The following CBX1 variants were observed in gnomAD, a reference collection of about 807,000 sequenced individuals.
CBX1 encodes chromobox protein homolog 1.
A neutral mutation model predicts 25.1 loss-of-function variants in CBX1; 10 were observed. That is an observed-to-expected ratio of 0.40 (90% CI 0.25 to 0.68). The LOEUF (loss-of-function observed/expected upper bound fraction) is 0.68. Ranked by LOEUF, CBX1 falls within the 30% of genes least tolerant of loss-of-function variation. The probability of loss-of-function intolerance (pLI) is 0.40; values close to 1 mark genes in which losing one functional copy is unlikely to be tolerated. For synonymous variants in CBX1, 63 were observed against 79.4 expected (o/e 0.79, Z 1.10); for missense variants, 106 against 218.5 (o/e 0.49, Z 3.25).
intron 1 of CBX1, among the ~76,000 whole-genome samples, chr17:48,082,130 C>T (rs2037743998): frequency 1.3e-5 from 2 of 151,960 alleles, no homozygotes; most frequent in Admixed American, 1.3e-4. Context: ...CGCTTAAGCA[C>T]AGGAGGTTGA....
intron 1 of CBX1, chr17:48,088,802 C>T (rs1305076879): frequency 6.6e-6 from 1 of 152,124 alleles, no homozygotes; most frequent in East Asian, 1.9e-4. Flanking sequence ...CCATTTTATA[C>T]AATGCAATGT....
At chr17:48,074,311 A>G (rs182711560) in intron 4 of CBX1, among the ~76,000 whole-genome samples, 33 of 152,362 alleles carry the variant, frequency 2.2e-4, no homozygotes, top group African/African-American at 7.5e-4. Context: ...CAAATTTTAA[A>G]TACAATCATT....
intron 1 of CBX1, among the ~76,000 whole-genome samples, chr17:48,095,526 C>T (rs2063369636): frequency 6.6e-6 from 1 of 152,138 alleles, no homozygotes. Context: ...CATTGCACTC[C>T]AGCCTGGGCA....
intron 1 of CBX1, among the ~76,000 whole-genome samples, chr17:48,099,737 A>G (rs892078901): frequency 2.0e-5 from 3 of 152,188 alleles, no homozygotes; most frequent in Non-Finnish European, 4.4e-5. Context: ...GTTCTAGTAT[A>G]TAACTGATTA....
chr17:48,086,337 G>A (rs1318735823), intron 1 of CBX1, among the ~76,000 whole-genome samples: 1 of 152,158 alleles, frequency 6.6e-6, no homozygotes, highest in African/African-American at 2.4e-5. Context: ...GAAATAGTTT[G>A]TACTGTGAAA....
rs1410118747 is a variant in CBX1, at chr17:48,070,256, A to T, written c.*1179T>A. 1 of 152,620 alleles carries T rather than the reference A, an allele frequency of 6.6e-6. No individual in the cohort carries two copies. Among genetic ancestry groups the T allele is most frequent in the East Asian group, 1.9e-4 (1 of 5,200 alleles). The allele number at this position is 152,620 out of a possible 1,614,324, so 9.5% of individuals were successfully genotyped here. ...CATTTTGGGTATGTTACTTATTAGG[A>T]TTTCTTAAAAAATTGTTTTGTGTGT... On this transcript the variant is annotated 3_prime_UTR_variant, in exon 5 of 5. Coordinates refer to ENST00000225603, the MANE Select transcript of CBX1 (RefSeq NM_001127228.2).
intron 1 of CBX1, among the ~76,000 whole-genome samples, chr17:48,097,394 C>T (rs2063381568): frequency 6.6e-6 from 1 of 152,096 alleles, no homozygotes; most frequent in Non-Finnish European, 1.5e-5. Context: ...GAGGGTAGAT[C>T]ACCCGAGGTC....
At chr17:48,096,904 G>A (rs1001499152) in intron 1 of CBX1, among the ~76,000 whole-genome samples, 1 of 152,066 alleles carries the variant, frequency 6.6e-6, no homozygotes, top group Non-Finnish European at 1.5e-5. Context: ...ACTAGCCTGG[G>A]CAACATAGTG....
chr17:48,081,542 G>C (rs145272472), intron 1 of CBX1, among the ~76,000 whole-genome samples: 2 of 152,092 alleles, frequency 1.3e-5, no homozygotes, highest in Non-Finnish European at 1.5e-5. Flanking sequence ...GAGTTCAAGC[G>C]ATTCTCCTGT....
intron 1 of CBX1, among the ~76,000 whole-genome samples, chr17:48,078,323 G>A (rs2037697190): frequency 6.6e-6 from 1 of 151,954 alleles, no homozygotes; most frequent in Non-Finnish European, 1.5e-5. Flanking sequence ...CTCCTGAGTA[G>A]CTGTGACTAC....
At chr17:48,088,904 T>C (rs1598312369) in intron 1 of CBX1, 2 of 145,584 alleles carry the variant, frequency 1.4e-5, no homozygotes, top group East Asian at 4.3e-4. Context: ...AAGAATGCTG[T>C]TTTGACATTG....
At chr17:48,096,933 T>C (rs1404289160) in intron 1 of CBX1, among the ~76,000 whole-genome samples, 2 of 151,862 alleles carry the variant, frequency 1.3e-5, no homozygotes, top group East Asian at 1.9e-4. Flanking sequence ...CCTCTATTTA[T>C]GTGAGAAAAA....
chr17:48,076,336 G>A (rs1249835462), intron 2 of CBX1, among the ~76,000 whole-genome samples, 158 bp from the exon 3 acceptor site: 1 of 152,174 alleles, frequency 6.6e-6, no homozygotes, highest in Non-Finnish European at 1.5e-5. Context: ...CTAAGAAACT[G>A]GCTTCCTTCA....
At chr17:48,087,647 G>A (rs529763596) in intron 1 of CBX1, among the ~76,000 whole-genome samples, 133 of 152,166 alleles carry the variant, frequency 8.7e-4, no homozygotes, top group African/African-American at 3.0e-3. Flanking sequence ...GTCAAGGCAG[G>A]CAGATCACTA....
chr17:48,075,873 G>C (rs772035479), intron 3 of CBX1, 128 bp downstream of exon 3: 17 of 635,386 alleles, frequency 2.7e-5, no homozygotes, highest in Non-Finnish European at 4.5e-5. Context: ...CACTTTGTAG[G>C]CATTAGCCTA....
chr17:48,099,719 G>A (rs1241967815), intron 1 of CBX1, among the ~76,000 whole-genome samples: 1 of 152,040 alleles, frequency 6.6e-6, no homozygotes, highest in African/African-American at 2.4e-5. Flanking sequence ...CTTTACCCTG[G>A]GCTAGGGGTT....
At chr17:48,097,785 T>C (rs181367007) in intron 1 of CBX1, among the ~76,000 whole-genome samples, 2 of 152,300 alleles carry the variant, frequency 1.3e-5, no homozygotes, top group Admixed American at 6.5e-5. Flanking sequence ...TATGCAAATA[T>C]TGACAAGATC....
intron 3 of CBX1, 97 bp from the exon 4 acceptor site, chr17:48,075,197 C>A (rs2240122): frequency 0.12 from 73,682 of 634,236 alleles, 3,318 homozygotes; most frequent in African/African-American, 0.28. Flanking sequence ...ATCACAAACT[C>A]TTTTTTTTTT....
chr17:48,100,384 C>G (rs900902503), intron 1 of CBX1: 1 of 152,086 alleles, frequency 6.6e-6, no homozygotes, highest in Non-Finnish European at 1.5e-5. Context: ...AGACCAGTTA[C>G]GATCCCACAC....
Sources: gnomAD v4.1 joint callset for allele counts (sites outside exome capture counted in the v4.1 genomes callset) on GRCh38, gnomAD v4.1.1 for gene constraint, MANE v1.5 for transcripts, NCBI Gene and HGNC (gene_info 2026-07-23, HGNC 2026-07-21) for gene names.